PNOC: variants seen among roughly 807,000 people sequenced by gnomAD.
The protein encoded by PNOC is prepronociceptin, also known as nociceptin.
In PNOC, 10 loss-of-function variants were observed where a neutral mutation model predicts 15.6. That is an observed-to-expected ratio of 0.64 (90% CI 0.40 to 1.09). The LOEUF is 1.09. Ranked by LOEUF, PNOC falls within the 50% of genes least tolerant of loss-of-function variation. The pLI is 0.01. For missense variants in PNOC, 220 were observed against 223.9 expected, an observed-to-expected ratio of 0.98 and a Z score of 0.11; for synonymous variants, 98 against 88.5, an observed-to-expected ratio of 1.11 and a Z score of -0.60.
At chr8:28,321,324 C>T (rs1801149180) in intron 1 of PNOC, among the ~76,000 whole-genome samples, 1 of 150,200 alleles carries the variant, frequency 6.7e-6, no homozygotes, top group Admixed American at 6.8e-5. Flanking sequence ...TGCCAATACA[C>T]CCAGCTAAAA....
At position 28,330,396 on chromosome 8, in the gene PNOC, A is replaced by ATTTTATTTTTTTTTTTTT. The variant is rs377288105; in HGVS notation, c.126+1117_126+1118insATTTTTTTTTTTTTTTTT. Among the ~76,000 whole-genome samples the ATTTTATTTTTTTTTTTTT allele has an allele frequency of 1.2e-3, 100 of 80,426 alleles. 2 individuals carry two copies. Among genetic ancestry groups the ATTTTATTTTTTTTTTTTT allele is most frequent in the Non-Finnish European group, 2.4e-3 (91 of 37,926 alleles). The allele number at this position is 80,426 out of a possible 152,430, so 52.8% of individuals were successfully genotyped here. Reference sequence around the variant, plus strand: ...ATTTTATTTTATTTTATTTTATTTTATTTTTTTTTTTTTTTTGAGACGGAG... The same window carrying ATTTTATTTTTTTTTTTTT: ...ATTTTATTTTATTTTATTTTATTTTATTTTATTTTTTTTTTTTTTTTTTTTTTTTTTTTTGAGACGGAG... On this transcript the variant is annotated intron_variant, in intron 2 of 3. Coordinates refer to ENST00000301908, the MANE Select transcript of PNOC (RefSeq NM_006228.5).
At chr8:28,337,081 G>A (rs1235108645) in intron 2 of PNOC, among the ~76,000 whole-genome samples, 2 of 152,074 alleles carry the variant, frequency 1.3e-5, no homozygotes, top group African/African-American at 2.4e-5. Context: ...AACAGCCCAG[G>A]GCTGCAGTGG....
chr8:28,324,474 G>A (rs778471089), intron 1 of PNOC, among the ~76,000 whole-genome samples: 4 of 152,168 alleles, frequency 2.6e-5, no homozygotes, highest in Admixed American at 6.6e-5. Flanking sequence ...CTTCTGCGAC[G>A]TATAGCCACT....
rs140195777 is a variant in PNOC at position 28,318,167 on chromosome 8, TC to T, written c.-24+852del. ...TCTTTCTTCCTCCTCTCTTTGTGCATCTCTCTCCCTCGAGTCTTGCTTCCCC... is the reference window on the plus strand; with the variant it reads ...TCTTTCTTCCTCCTCTCTTTGTGCATTCTCTCCCTCGAGTCTTGCTTCCCC... On this transcript the variant is annotated intron_variant, in intron 1 of 3. Transcript: ENST00000301908. Among the ~76,000 whole-genome samples the T allele has an allele frequency of 2.4e-3, 367 of 152,178 alleles. 3 individuals carry two copies. The highest frequency in any genetic ancestry group is 8.6e-3 in the African/African-American group (357 of 41,508).
At chr8:28,334,753 T>C (rs543273900) in intron 2 of PNOC, among the ~76,000 whole-genome samples, 7 of 152,252 alleles carry the variant, frequency 4.6e-5, no homozygotes, top group African/African-American at 1.7e-4. Context: ...CTTGGCCTCC[T>C]AAAGTACTGG....
At chr8:28,328,219 C>A (rs902932320) in intron 1 of PNOC, among the ~76,000 whole-genome samples, 3 of 151,766 alleles carry the variant, frequency 2.0e-5, no homozygotes, top group African/African-American at 7.3e-5. Context: ...AAGTGTGTAC[C>A]ACCACACCCG....
At chr8:28,332,209 T>C (rs999057753) in intron 2 of PNOC, among the ~76,000 whole-genome samples, 3 of 152,366 alleles carry the variant, frequency 2.0e-5, no homozygotes, top group African/African-American at 7.2e-5. Context: ...CTAGTTTGTA[T>C]TCACTTTTAA....
intron 1 of PNOC, among the ~76,000 whole-genome samples, chr8:28,321,519 C>T (rs1283224149): frequency 2.0e-5 from 3 of 152,114 alleles, no homozygotes; most frequent in Non-Finnish European, 4.4e-5. Flanking sequence ...GCTACTTCCC[C>T]ATAAAGCCTT....
At chr8:28,338,846 C>A in intron 2 of PNOC, 194 bp from the exon 3 acceptor site, 2 of 1,062,060 alleles carry the variant, frequency 1.9e-6, no homozygotes, top group Admixed American at 3.5e-5. Flanking sequence ...GGAGCTGGGT[C>A]AGATGATTCT....
intron 2 of PNOC, among the ~76,000 whole-genome samples, chr8:28,333,286 G>A (rs1286604878): frequency 7.9e-5 from 12 of 152,176 alleles, no homozygotes. Context: ...CACCCAAAAG[G>A]CCATTTGTTC....
At chr8:28,321,205 A>ATTT (rs1563325767) in intron 1 of PNOC, among the ~76,000 whole-genome samples, 5 of 102,368 alleles carry the variant, frequency 4.9e-5, no homozygotes, top group African/African-American at 1.8e-4. Context: ...CACCTAGCTA[A>ATTT]ATTTTTTTTT....
chr8:28,328,832 G>A (rs1047668120), intron 1 of PNOC, among the ~76,000 whole-genome samples: 1 of 152,126 alleles, frequency 6.6e-6, no homozygotes, highest in African/African-American at 2.4e-5. Flanking sequence ...TCCCAAAAGT[G>A]CCTATGAGGT....
chr8:28,326,727 G>A (rs1801231262), intron 1 of PNOC, among the ~76,000 whole-genome samples: 1 of 152,186 alleles, frequency 6.6e-6, no homozygotes, highest in Non-Finnish European at 1.5e-5. Flanking sequence ...AGGTGTTGTG[G>A]CATGTGCCTG....
chr8:28,328,032 T>A (rs1165633113), intron 1 of PNOC, among the ~76,000 whole-genome samples: 1 of 149,150 alleles, frequency 6.7e-6, no homozygotes, highest in Non-Finnish European at 1.5e-5. Context: ...GATCTCATCA[T>A]CTCCCAAAGG....
At position 28,324,339 on chromosome 8, in the gene PNOC, C is replaced by A. The variant is rs1213402196; in HGVS notation, c.-23-4796C>A. Among the ~76,000 whole-genome samples, 4 of 152,194 alleles carry A rather than the reference C, an allele frequency of 2.6e-5. No homozygotes were observed. In the East Asian group the frequency reaches 7.7e-4, roughly 29 times the overall value. On this transcript the variant is annotated intron_variant, in intron 1 of 3. Transcript: ENST00000301908. ...CCAGTTAATGAAGTTCACAAAAAAC[C>A]TCAGCCAGAGAGCATTTTGCTAACA...
chr8:28,329,194 C>A lies in PNOC; in HGVS notation c.37C>A (p.Leu13Ile). 1.2e-6 allele frequency: 2 copies of A among 1,614,018 alleles called. No individual in the cohort carries two copies. Among genetic ancestry groups the A allele is most frequent in the Non-Finnish European group, 1.7e-6 (2 of 1,180,022 alleles). Residue 13 changes from leucine to isoleucine, a missense_variant, in exon 2 of 4, where the codon CTC becomes ATC. Coordinates refer to ENST00000301908, the MANE Select transcript of PNOC (RefSeq NM_006228.5). ...GCTTTGTGACCTGCTGCTGCTCAGTCTCTTCTCCAGTGTGTTCAGCAGTTG... is the reference window on the plus strand; with the variant it reads ...GCTTTGTGACCTGCTGCTGCTCAGTATCTTCTCCAGTGTGTTCAGCAGTTG... ...VLLCDLLLLS[L>I]FSSVFSSCQR...
intron 1 of PNOC, among the ~76,000 whole-genome samples, chr8:28,318,544 G>C (rs974004916): frequency 6.6e-6 from 1 of 152,214 alleles, no homozygotes; most frequent in African/African-American, 2.4e-5. Context: ...CGCTGCTTGT[G>C]GGTGGCTACT....
At chr8:28,330,902 GT>G (rs1801321181) in intron 2 of PNOC, among the ~76,000 whole-genome samples, 1 of 152,070 alleles carries the variant, frequency 6.6e-6, no homozygotes, top group African/African-American at 2.4e-5. Context: ...TAGCTCAATT[GT>G]TTTTTACTTT....
intron 1 of PNOC, among the ~76,000 whole-genome samples, chr8:28,324,515 C>G (rs532859163): frequency 6.6e-6 from 1 of 152,126 alleles, no homozygotes; most frequent in Non-Finnish European, 1.5e-5. Flanking sequence ...GGCACAGCCA[C>G]GCTGTTTGGA....
Sources: allele counts gnomAD v4.1 joint callset (sites outside exome capture counted in the v4.1 genomes callset), GRCh38; gene constraint gnomAD v4.1.1; transcripts MANE v1.5; gene names NCBI Gene and HGNC (gene_info 2026-07-23, HGNC 2026-07-21).